Variants in SGCZ observed in about 807,000 individuals in gnomAD.
The protein encoded by SGCZ is sarcoglycan zeta.
In SGCZ, 40 loss-of-function variants were observed where a neutral mutation model predicts 41.3. That is an observed-to-expected ratio of 0.97 (90% CI 0.75 to 1.26). The LOEUF (loss-of-function observed/expected upper bound fraction) is 1.26. SGCZ is among the 50% of genes most tolerant of loss of function. SGCZ has a pLI of 0.00. For synonymous variants in SGCZ, 206 were observed against 137.5 expected (o/e 1.50, Z -3.49); for missense variants, 552 against 369.8 (o/e 1.49, Z -4.04).
intron 4 of SGCZ, among the ~76,000 whole-genome samples, chr8:14,218,777 C>G (rs1003971552): frequency 1.3e-5 from 2 of 152,212 alleles, no homozygotes; most frequent in African/African-American, 2.4e-5. Flanking sequence ...ACAACATCAA[C>G]AACGCATTTG....
At chr8:14,795,088 GA>G (rs1023487009) in intron 1 of SGCZ, among the ~76,000 whole-genome samples, 6 of 152,208 alleles carry the variant, frequency 3.9e-5, no homozygotes, top group African/African-American at 1.4e-4. Flanking sequence ...CTAGATAAAG[GA>G]AACAGAAGAC....
intron 2 of SGCZ, among the ~76,000 whole-genome samples, chr8:14,421,358 AG>A (rs1188912105): frequency 1.3e-5 from 2 of 152,154 alleles, no homozygotes; most frequent in Non-Finnish European, 2.9e-5. Context: ...AAATTTTACT[AG>A]AAGTCCCCAT....
At chr8:14,725,415 T>G (rs1810017478) in intron 1 of SGCZ, among the ~76,000 whole-genome samples, 1 of 152,208 alleles carries the variant, frequency 6.6e-6, no homozygotes, top group African/African-American at 2.4e-5. Flanking sequence ...GTTTTCCTTA[T>G]GACTATACTA....
chr8:14,172,525 A>AT (rs1361290737), intron 4 of SGCZ, among the ~76,000 whole-genome samples: 1 of 152,174 alleles, frequency 6.6e-6, no homozygotes, highest in Non-Finnish European at 1.5e-5. Context: ...GGAAAAATGA[A>AT]TCTTGGACTT....
intron 1 of SGCZ, among the ~76,000 whole-genome samples, chr8:14,753,388 GT>G (rs1309300278): frequency 2.0e-5 from 3 of 152,082 alleles, no homozygotes; most frequent in Admixed American, 2.0e-4. Flanking sequence ...CTTCGGCCAG[GT>G]TTTATTAACA....
chr8:14,514,861 T>C (rs1372169158), intron 2 of SGCZ, among the ~76,000 whole-genome samples: 2 of 148,456 alleles, frequency 1.3e-5, no homozygotes, highest in Admixed American at 1.3e-4. Context: ...TATGAACCCA[T>C]AGACAGAAAT....
At chr8:14,786,106 A>T (rs1375601104) in intron 1 of SGCZ, among the ~76,000 whole-genome samples, 1 of 143,224 alleles carries the variant, frequency 7.0e-6, no homozygotes, top group African/African-American at 2.9e-5. Context: ...TGAGATTATT[A>T]TTTTAACTTC....
chr8:14,495,508 A>T (rs572859580), intron 2 of SGCZ, among the ~76,000 whole-genome samples: 1 of 152,178 alleles, frequency 6.6e-6, no homozygotes, highest in African/African-American at 2.4e-5. Context: ...AAGCGATCAG[A>T]TTGATCATAT....
At chr8:14,832,512 G>T (rs933375255) in intron 1 of SGCZ, among the ~76,000 whole-genome samples, 2 of 152,062 alleles carry the variant, frequency 1.3e-5, no homozygotes, top group Non-Finnish European at 2.9e-5. Context: ...TTTTAACAGG[G>T]TGAATCTTTT....
At chr8:14,099,725 C>CA (rs147404301) in intron 7 of SGCZ, among the ~76,000 whole-genome samples, 7,555 of 149,824 alleles carry the variant, frequency 0.05, 206 homozygotes, top group Middle Eastern at 0.082. Context: ...GACTCTGTCT[C>CA]AAAAAAAAAT....
intron 1 of SGCZ, among the ~76,000 whole-genome samples, chr8:14,673,004 A>G (rs955060133): frequency 1.3e-5 from 2 of 152,210 alleles, no homozygotes; most frequent in African/African-American, 4.8e-5. Flanking sequence ...AAAGTAATTT[A>G]TAAAAACACA....
At chr8:14,127,692 G>C (rs987151974) in intron 5 of SGCZ, among the ~76,000 whole-genome samples, 11 of 152,146 alleles carry the variant, frequency 7.2e-5, no homozygotes, top group African/African-American at 2.7e-4. Flanking sequence ...TCCTGATCTT[G>C]TGCTCCACAC....
chr8:14,688,738 A>T lies in SGCZ; in HGVS notation c.40-133812T>A, dbSNP rs559918036. ...TTTTTCCAATTGTGTGAAGAAAGTCATTGGTAGTTGGAAGTTCTGGCCAGG... is the reference window on the plus strand; with the variant it reads ...TTTTTCCAATTGTGTGAAGAAAGTCTTTGGTAGTTGGAAGTTCTGGCCAGG... On this transcript the variant is annotated intron_variant, in intron 1 of 7. Coordinates refer to ENST00000382080, the MANE Select transcript of SGCZ (RefSeq NM_139167.4). Among the ~76,000 whole-genome samples, 6 of 152,210 alleles carry T rather than the reference A, an allele frequency of 3.9e-5. No homozygotes were observed. The South Asian group carries it at 1.2e-3, about 32-fold the overall frequency.
chr8:15,093,749 C>T (rs190119216), intron 1 of SGCZ, among the ~76,000 whole-genome samples: 6 of 152,246 alleles, frequency 3.9e-5, no homozygotes, highest in East Asian at 3.9e-4. Context: ...GACGATTTGA[C>T]GAGTTCAGCA....
intron 1 of SGCZ, among the ~76,000 whole-genome samples, chr8:15,154,303 G>A (rs930334221): frequency 2.6e-5 from 4 of 152,204 alleles, no homozygotes; most frequent in Non-Finnish European, 5.9e-5. Context: ...TGGGCTGTGA[G>A]TCACCTAAAG....
chr8:15,048,555 T>C (rs1804397794), intron 1 of SGCZ, among the ~76,000 whole-genome samples: 1 of 152,106 alleles, frequency 6.6e-6, no homozygotes, highest in Non-Finnish European at 1.5e-5. Context: ...ACTTGATCAT[T>C]ACACATTGTG....
chr8:14,155,996 TA>T (rs1266480618), intron 5 of SGCZ, among the ~76,000 whole-genome samples: 1 of 152,136 alleles, frequency 6.6e-6, no homozygotes, highest in East Asian at 1.9e-4. Flanking sequence ...AATAATGATA[TA>T]AAAGATTAAA....
chr8:14,093,416 A>G (rs1801748416), intron 7 of SGCZ, among the ~76,000 whole-genome samples: 1 of 152,102 alleles, frequency 6.6e-6, no homozygotes, highest in South Asian at 2.1e-4. Flanking sequence ...TCCATGGCCC[A>G]AAGGCCCTAC....
chr8:14,236,129 G>A (rs953060155), intron 4 of SGCZ, among the ~76,000 whole-genome samples: 1 of 152,144 alleles, frequency 6.6e-6, no homozygotes, highest in Admixed American at 6.5e-5. Flanking sequence ...CGTTTCCATA[G>A]GCCTATAGTT....
Sources: gnomAD v4.1 joint callset for allele counts (sites outside exome capture counted in the v4.1 genomes callset) on GRCh38, gnomAD v4.1.1 for gene constraint, MANE v1.5 for transcripts, NCBI Gene and HGNC (gene_info 2026-07-23, HGNC 2026-07-21) for gene names.